The following TYW1 variants were observed in gnomAD, a reference collection of about 807,000 sequenced individuals.
TYW1 encodes the protein S-adenosyl-L-methionine-dependent tRNA 4-demethylwyosine synthase TYW1.
Under a neutral mutation model 96.2 loss-of-function variants are expected in TYW1, and 46 were observed. The ratio of observed to expected loss-of-function variants is 0.48; its 90% CI spans 0.38 to 0.61. TYW1 has a LOEUF of 0.61. Ranked by LOEUF, TYW1 falls within the 20% of genes least tolerant of loss-of-function variation. The pLI is 0.00. For synonymous variants in TYW1, 274 were observed against 323.0 expected, an observed-to-expected ratio of 0.85 and a Z score of 1.63; for missense variants, 684 against 909.6, an observed-to-expected ratio of 0.75 and a Z score of 3.19.
chr7:67,217,096 T>G (rs890275714), intron 15 of TYW1, among the ~76,000 whole-genome samples: 2 of 150,930 alleles, frequency 1.3e-5, no homozygotes, highest in Non-Finnish European at 3.0e-5. Context: ...ATATCTTCTT[T>G]GGAAAAGAAT....
chr7:67,108,874 T>A, intron 12 of TYW1, among the ~76,000 whole-genome samples: 1 of 152,124 alleles, frequency 6.6e-6, no homozygotes. Flanking sequence ...CACAATAGAA[T>A]TAAACTAGAA....
In TYW1 at chr7:67,120,539, T is replaced by C. The variant is rs117713544; in HGVS notation, c.1698+2921T>C. 9.2e-3 allele frequency among the ~76,000 whole-genome samples: 1,405 copies of C among 152,362 alleles called. 34 individuals are homozygous for C. The South Asian group carries it at 0.1, about 11-fold the overall frequency. ...TGCTTTCTTTGGTTATTAATACTGA[T>C]GTTATTTAAGAAATGCAAAAAGGCC... On this transcript the variant is annotated intron_variant, in intron 13 of 15. Transcript: ENST00000359626.
At position 67,180,392 on chromosome 7, in the gene TYW1, ATATATATATATATT is replaced by A. The variant is rs1212714730; in HGVS notation, c.1699-2720_1699-2707del. Among the ~76,000 whole-genome samples the A allele has an allele frequency of 9.7e-4, 107 of 110,294 alleles. 3 individuals carry two copies. The highest frequency in any genetic ancestry group is 6.8e-3 in the East Asian group (24 of 3,540). 72.4% of individuals were successfully genotyped at this position (110,294 alleles called of 152,430 possible). ...TCCTTGGAAAGCTGTTGGTTTATATATATATATATATATTTATATATATATATATATAATTTTTT... is the reference window on the plus strand; with the variant it reads ...TCCTTGGAAAGCTGTTGGTTTATATATATATATATATATATATAATTTTTT... On this transcript the variant is annotated intron_variant, in intron 13 of 15. Transcript: ENST00000359626.
At chr7:67,154,737 A>C (rs1192576538) in intron 13 of TYW1, among the ~76,000 whole-genome samples, 7 of 152,112 alleles carry the variant, frequency 4.6e-5, no homozygotes. Context: ...CAAGACTTGG[A>C]GAAATTTTAA....
intron 11 of TYW1, among the ~76,000 whole-genome samples, chr7:67,090,648 T>G (rs1214861716): frequency 6.6e-6 from 1 of 152,098 alleles, no homozygotes; most frequent in African/African-American, 2.4e-5. Flanking sequence ...AGGGTTAAGA[T>G]TTGGGCACCA....
At chr7:67,215,260 C>A (rs898113620) in intron 15 of TYW1, among the ~76,000 whole-genome samples, 9 of 151,490 alleles carry the variant, frequency 5.9e-5, no homozygotes, top group Non-Finnish European at 8.8e-5. Flanking sequence ...CTGCTGTAGA[C>A]CCACATTAGC....
chr7:67,191,857 C>T (rs985708243), intron 14 of TYW1, among the ~76,000 whole-genome samples: 4 of 152,020 alleles, frequency 2.6e-5, no homozygotes, highest in Admixed American at 2.0e-4. Context: ...CCCAGGACTG[C>T]TTCCCTCAGA....
intron 7 of TYW1, among the ~76,000 whole-genome samples, chr7:67,046,822 C>A (rs1047351983): frequency 1.3e-5 from 2 of 152,122 alleles, no homozygotes; most frequent in Non-Finnish European, 2.9e-5. Context: ...TTAATCATTG[C>A]CCTTATGACT....
intron 11 of TYW1, among the ~76,000 whole-genome samples, chr7:67,094,651 A>AGAGTGT (rs745340578): frequency 2.1e-5 from 3 of 141,600 alleles, no homozygotes; most frequent in East Asian, 4.3e-4. Context: ...AGAGAATTAG[A>AGAGTGT]GTGTGTGTGT....
chr7:67,055,199 T>C (rs1795470461), intron 8 of TYW1, among the ~76,000 whole-genome samples: 4 of 152,224 alleles, frequency 2.6e-5, no homozygotes, highest in Admixed American at 2.6e-4. Context: ...GTCAAGTTTA[T>C]GTGTTGTGTT....
At chr7:67,194,486 A>C (rs1325549875) in intron 14 of TYW1, among the ~76,000 whole-genome samples, 2 of 152,068 alleles carry the variant, frequency 1.3e-5, no homozygotes, top group Non-Finnish European at 2.9e-5. Flanking sequence ...TTAGCCAGGC[A>C]TGGTGGCAGG....
intron 15 of TYW1, among the ~76,000 whole-genome samples, chr7:67,212,620 T>TC (rs1466193280): frequency 6.6e-6 from 1 of 152,226 alleles, no homozygotes; most frequent in African/African-American, 2.4e-5. Flanking sequence ...GAATGGCTGT[T>TC]CCTGTTGCTA....
At position 67,194,833 on chromosome 7, in the gene TYW1, A is replaced by G. The variant is rs567922026; in HGVS notation, c.1810-337A>G. The stretch of plus-strand genomic sequence containing the variant: ...ATAACCCCTTCATAATTCCTCAATT[A>G]TAGTGCACAGATGAATCTGAATCAA... On this transcript the variant is annotated intron_variant, in intron 14 of 15. Coordinates refer to ENST00000359626, the MANE Select transcript of TYW1 (RefSeq NM_018264.4). Among the ~76,000 whole-genome samples, 6 of 146,090 alleles carry G rather than the reference A, an allele frequency of 4.1e-5. No homozygotes were observed. The East Asian group carries it at 9.7e-4, about 24-fold the overall frequency.
chr7:67,174,686 A>T (rs1298712020), intron 13 of TYW1, among the ~76,000 whole-genome samples: 1 of 151,970 alleles, frequency 6.6e-6, no homozygotes, highest in African/African-American at 2.4e-5. Flanking sequence ...AATTAAGGAA[A>T]TAAAAAACAT....
chr7:67,180,424 A>ATATATATATATAT (rs1341437613), intron 13 of TYW1, among the ~76,000 whole-genome samples: 8 of 81,922 alleles, frequency 9.8e-5, no homozygotes, highest in Non-Finnish European at 1.9e-4. Context: ...ATATATATAT[A>ATATATATATATAT]ATTTTTTTTT....
chr7:67,021,397 A>G (rs533841556), intron 6 of TYW1, among the ~76,000 whole-genome samples: 117 of 152,348 alleles, frequency 7.7e-4, no homozygotes, highest in African/African-American at 2.6e-3. Context: ...TAGTAGCTGC[A>G]TGCCTCCTGG....
At chr7:67,007,957 G>T (rs1793661792) in intron 3 of TYW1, among the ~76,000 whole-genome samples, 1 of 151,962 alleles carries the variant, frequency 6.6e-6, no homozygotes, top group East Asian at 1.9e-4. Context: ...TTCTATACCA[G>T]TTCTCATGCT....
intron 9 of TYW1, among the ~76,000 whole-genome samples, chr7:67,065,521 G>T (rs547691471): frequency 9.9e-5 from 15 of 152,104 alleles, no homozygotes; most frequent in Admixed American, 2.0e-4. Context: ...CTATTTACAA[G>T]ATTTGAATGT....
At chr7:67,166,536 CCCT>C (rs147344792) in intron 13 of TYW1, among the ~76,000 whole-genome samples, 2 of 89,514 alleles carry the variant, frequency 2.2e-5, no homozygotes, top group Non-Finnish European at 2.6e-5. Context: ...GGTCATCAGC[CCCT>C]CCCCTCTCTA....
Sources: gnomAD v4.1 joint callset for allele counts (sites outside exome capture counted in the v4.1 genomes callset) on GRCh38, gnomAD v4.1.1 for gene constraint, MANE v1.5 for transcripts, NCBI Gene and HGNC (gene_info 2026-07-23, HGNC 2026-07-21) for gene names.